Variants in RPH3A observed in about 807,000 individuals in gnomAD.
RPH3A encodes the protein rabphilin 3A.
RPH3A carries 48 observed loss-of-function variants against 102.2 expected under a neutral mutation model. The ratio of observed to expected loss-of-function variants is 0.47; its 90% CI spans 0.37 to 0.60. The LOEUF is 0.60. Among genes scored for constraint, RPH3A ranks in the 20% least tolerant of loss-of-function variants. The pLI is 0.00. For synonymous variants in RPH3A, 310 were observed against 324.3 expected (o/e 0.96, Z 0.47); for missense variants, 781 against 910.1 (o/e 0.86, Z 1.83).
At chr12:112,858,511 G>A (rs1206361525) in intron 5 of RPH3A, among the ~76,000 whole-genome samples, 1 of 152,048 alleles carries the variant, frequency 6.6e-6, no homozygotes, top group Non-Finnish European at 1.5e-5. Context: ...TTTCTCTGAG[G>A]ACCTGTCCTG....
intron 21 of RPH3A, among the ~76,000 whole-genome samples, 157 bp from the exon 22 acceptor site, chr12:112,896,490 TAAC>T (rs1465210372): frequency 2.0e-5 from 3 of 152,278 alleles, no homozygotes; most frequent in Admixed American, 6.5e-5. Context: ...GTAATAATAA[TAAC>T]AACAACAGCA....
chr12:112,852,027 G>A (rs1185117151), intron 5 of RPH3A, among the ~76,000 whole-genome samples: 1 of 152,232 alleles, frequency 6.6e-6, no homozygotes, highest in East Asian at 1.9e-4. Context: ...TTCAGACAGA[G>A]CTCTGCTGGG....
At chr12:112,777,658 C>G (rs1358693007) in intron 1 of RPH3A, among the ~76,000 whole-genome samples, 1 of 152,132 alleles carries the variant, frequency 6.6e-6, no homozygotes, top group African/African-American at 2.4e-5. Context: ...AGTTAATTGC[C>G]TAGTGAAGTT....
chr12:112,712,902 TCCTC>T (rs2040474989), intron 1 of RPH3A, among the ~76,000 whole-genome samples: 1 of 132,064 alleles, frequency 7.6e-6, no homozygotes, highest in South Asian at 2.9e-4. Flanking sequence ...TTCTTCTTCT[TCCTC>T]TTCTTCTTCT....
intron 13 of RPH3A, 40 bp downstream of exon 13, chr12:112,876,906 C>G (rs771669726): frequency 6.7e-7 from 1 of 1,481,720 alleles, no homozygotes; most frequent in South Asian, 1.3e-5. Context: ...GGAAAAATCA[C>G]TTCAGGAGCC....
chr12:112,815,551 C>T (rs1444762561), intron 2 of RPH3A, among the ~76,000 whole-genome samples: 1 of 152,148 alleles, frequency 6.6e-6, no homozygotes, highest in Non-Finnish European at 1.5e-5. Context: ...GAGAAAAATG[C>T]CCCTCTCTGC....
chr12:112,826,886 T>G (rs2041885897), intron 2 of RPH3A, among the ~76,000 whole-genome samples: 1 of 152,228 alleles, frequency 6.6e-6, no homozygotes, highest in Non-Finnish European at 1.5e-5. Flanking sequence ...TGAATAAAGC[T>G]GCTATAAACA....
Position 112,600,080 on chromosome 12 carries a change from C to T in RPH3A, c.-140+24761C>T, listed in dbSNP as rs2039547728. Among the ~76,000 whole-genome samples, 6 of 152,276 alleles carry T rather than the reference C, an allele frequency of 3.9e-5. No homozygotes were observed. The South Asian group carries it at 1.2e-3, about 32-fold the overall frequency. On this transcript the variant is annotated intron_variant, in intron 1 of 21. Transcript: ENST00000543106. Reference sequence around the variant, plus strand: ...TCAATAAGGGCATTATTTCCTAACCCTGAACCCTGAGCCTGGTGAAAAGAG... The same window carrying T: ...TCAATAAGGGCATTATTTCCTAACCTTGAACCCTGAGCCTGGTGAAAAGAG...
At chr12:112,600,318 G>A (rs2039548801) in intron 1 of RPH3A, among the ~76,000 whole-genome samples, 1 of 152,122 alleles carries the variant, frequency 6.6e-6, no homozygotes, top group South Asian at 2.1e-4. Flanking sequence ...TGATAATCCT[G>A]CCTGACTTAA....
chr12:112,869,450 T>A (rs752712401), intron 8 of RPH3A: 9 of 321,024 alleles, frequency 2.8e-5, no homozygotes, highest in Non-Finnish European at 4.5e-5. Flanking sequence ...ATATATTGCA[T>A]CCCTGAGGAG....
At chr12:112,622,040 C>T (rs924920657) in intron 1 of RPH3A, among the ~76,000 whole-genome samples, 8 of 150,804 alleles carry the variant, frequency 5.3e-5, no homozygotes, top group Non-Finnish European at 1.0e-4. Flanking sequence ...AGGACATCCA[C>T]ACCGAAAACC....
intron 1 of RPH3A, among the ~76,000 whole-genome samples, chr12:112,611,859 C>A (rs904199320): frequency 2.6e-5 from 4 of 152,008 alleles, no homozygotes; most frequent in Non-Finnish European, 5.9e-5. Flanking sequence ...TAATTAGAGT[C>A]CCTTCAATGA....
At chr12:112,597,804 T>C (rs1185986605) in intron 1 of RPH3A, among the ~76,000 whole-genome samples, 3 of 152,038 alleles carry the variant, frequency 2.0e-5, no homozygotes, top group Non-Finnish European at 4.4e-5. Flanking sequence ...ATAGTCTCTA[T>C]AGAAGTCTCA....
intron 1 of RPH3A, among the ~76,000 whole-genome samples, chr12:112,671,112 AG>A (rs1242056789): frequency 6.6e-6 from 1 of 152,250 alleles, no homozygotes; most frequent in Non-Finnish European, 1.5e-5. Context: ...TAGATTTAAA[AG>A]GTAGTGGGTG....
intron 2 of RPH3A, among the ~76,000 whole-genome samples, chr12:112,809,392 A>G (rs966287472): frequency 2.6e-5 from 4 of 152,106 alleles, no homozygotes; most frequent in Non-Finnish European, 5.9e-5. Context: ...TTAAAAGAAC[A>G]TTGCAGGCTC....
chr12:112,786,964 C>G (rs1779819213), upstream of RPH3A, among the ~76,000 whole-genome samples: 1 of 152,134 alleles, frequency 6.6e-6, no homozygotes, highest in Admixed American at 6.5e-5. Flanking sequence ...TTTCCATTTT[C>G]TAGAGCCTGC....
chr12:112,699,504 T>C (rs1257957746), intron 1 of RPH3A, among the ~76,000 whole-genome samples: 1 of 152,128 alleles, frequency 6.6e-6, no homozygotes, highest in African/African-American at 2.4e-5. Context: ...TCAAAAACAT[T>C]ATGTTGAGCA....
At chr12:112,875,822 A>T in intron 12 of RPH3A, 81 bp downstream of exon 12, 3 of 1,299,546 alleles carry the variant, frequency 2.3e-6, no homozygotes, top group Non-Finnish European at 3.3e-6. Flanking sequence ...CAGCTGCCAG[A>T]ACGTGACTCA....
intron 2 of RPH3A, chr12:112,813,378 T>C (rs903606003): frequency 3.3e-5 from 5 of 152,294 alleles, no homozygotes; most frequent in Non-Finnish European, 5.9e-5. Flanking sequence ...CAGCCAATAC[T>C]GGCCAAGGTT....
Sources: allele counts gnomAD v4.1 joint callset (sites outside exome capture counted in the v4.1 genomes callset), GRCh38; gene constraint gnomAD v4.1.1; transcripts MANE v1.5; gene names NCBI Gene and HGNC (gene_info 2026-07-23, HGNC 2026-07-21).